The following TBCEL variants were observed in gnomAD, a reference collection of about 807,000 sequenced individuals.
TBCEL encodes the protein tubulin-specific chaperone cofactor E-like protein.
In TBCEL, 15 loss-of-function variants were observed where a neutral mutation model predicts 44.2. The observed-to-expected ratio is 0.34, with a 90% CI of 0.23 to 0.52. The LOEUF is 0.52. Ranked by LOEUF, TBCEL falls within the 20% of genes least tolerant of loss-of-function variation. The pLI is 0.95. For synonymous variants in TBCEL, 171 were observed against 185.4 expected, an observed-to-expected ratio of 0.92 and a Z score of 0.63; for missense variants, 319 against 506.3, an observed-to-expected ratio of 0.63 and a Z score of 3.55.
At chr11:121,032,955 A>G (rs1945169373) in intron 1 of TBCEL, among the ~76,000 whole-genome samples, 2 of 152,222 alleles carry the variant, frequency 1.3e-5, no homozygotes, top group South Asian at 2.1e-4. Flanking sequence ...TTTGTGAAGA[A>G]TGAGACTCAA....
chr11:121,026,971 G>T (rs1945057455), intron 1 of TBCEL, among the ~76,000 whole-genome samples: 1 of 152,022 alleles, frequency 6.6e-6, no homozygotes, highest in Admixed American at 6.6e-5. Context: ...CCTGTAGCAG[G>T]CTCTTTTCTC....
Position 121,031,065 on chromosome 11 carries a change from A to G in TBCEL, c.-125-5440A>G, listed in dbSNP as rs113003429. 1.5e-3 allele frequency among the ~76,000 whole-genome samples: 229 copies of G among 152,222 alleles called. 1 individual carries two copies. Among genetic ancestry groups the G allele is most frequent in the African/African-American group, 4.8e-3 (199 of 41,526 alleles). On this transcript the variant is annotated intron_variant, in intron 1 of 8. Coordinates refer to ENST00000683345, the MANE Select transcript of TBCEL (RefSeq NM_001363644.2). Reference sequence around the variant, plus strand: ...AATTTACCCAATTGCCTGTTCTTAGATATAAGGGCTTCTCCACACTGCATT... The same window carrying G: ...AATTTACCCAATTGCCTGTTCTTAGGTATAAGGGCTTCTCCACACTGCATT...
intron 4 of TBCEL, among the ~76,000 whole-genome samples, chr11:121,051,249 A>G (rs953326299): frequency 5.9e-5 from 9 of 151,776 alleles, no homozygotes; most frequent in South Asian, 2.1e-4. Context: ...TGATTACATC[A>G]TATATCTGCT....
intron 1 of TBCEL, among the ~76,000 whole-genome samples, chr11:121,027,085 A>G (rs1945059798): frequency 6.6e-6 from 1 of 152,216 alleles, no homozygotes; most frequent in African/African-American, 2.4e-5. Context: ...ACTGTGTGAC[A>G]TGTATGTTGG....
rs75737106 is a variant in TBCEL, at chr11:121,073,676, A to T, written c.957-13102A>T. Among the ~76,000 whole-genome samples, 584 of 152,078 alleles carry T rather than the reference A, an allele frequency of 3.8e-3. 8 individuals are homozygous for T. The highest frequency in any genetic ancestry group is 0.012 in the East Asian group (62 of 5,186). On this transcript the variant is annotated intron_variant, in intron 8 of 8. Transcript: ENST00000683345. ...TTTCTCCTCACTTGACAGGGAATGC[A>T]TCTAAAGTTTCAATATGTAGATATG...
intron 6 of TBCEL, 140 bp downstream of exon 6, chr11:121,055,448 T>A (rs1010844519): frequency 2.4e-6 from 2 of 818,874 alleles, no homozygotes; most frequent in Admixed American, 7.4e-5. Flanking sequence ...ATGCCTATGA[T>A]TGGCTAAATT....
At chr11:121,080,553 A>T (rs1419846400) in intron 8 of TBCEL, among the ~76,000 whole-genome samples, 2 of 152,210 alleles carry the variant, frequency 1.3e-5, no homozygotes, top group Non-Finnish European at 2.9e-5. Context: ...TTCTAGACAA[A>T]GTTTCATTTT....
chr11:121,037,300 C>T (rs927439974), intron 2 of TBCEL, among the ~76,000 whole-genome samples: 1 of 152,174 alleles, frequency 6.6e-6, no homozygotes, highest in Non-Finnish European at 1.5e-5. Context: ...AATTGGCTAA[C>T]TATAATTCTA....
At chr11:121,030,977 A>G (rs934048997) in intron 1 of TBCEL, among the ~76,000 whole-genome samples, 1 of 152,134 alleles carries the variant, frequency 6.6e-6, no homozygotes, top group African/African-American at 2.4e-5. Flanking sequence ...GGAAGTAGGC[A>G]TAATGAACTA....
At chr11:121,076,547 TATTA>T (rs1379546005) in intron 8 of TBCEL, among the ~76,000 whole-genome samples, 1 of 152,062 alleles carries the variant, frequency 6.6e-6, no homozygotes, top group Non-Finnish European at 1.5e-5. Flanking sequence ...TAAATTTATT[TATTA>T]ATTCTAGTAG....
At chr11:121,079,053 T>C (rs1245549035) in intron 8 of TBCEL, among the ~76,000 whole-genome samples, 1 of 152,238 alleles carries the variant, frequency 6.6e-6, no homozygotes, top group African/African-American at 2.4e-5. Flanking sequence ...AAGAAATAGT[T>C]GAAACAAATG....
intron 4 of TBCEL, among the ~76,000 whole-genome samples, chr11:121,050,495 C>A (rs567809451): frequency 2.0e-4 from 31 of 151,678 alleles, no homozygotes; most frequent in Non-Finnish European, 3.7e-4. Context: ...TTTGTCTTCA[C>A]CCTTCTAAAA....
intron 4 of TBCEL, 182 bp downstream of exon 4, chr11:121,047,849 T>C: frequency 1.5e-6 from 1 of 687,476 alleles, no homozygotes; most frequent in Non-Finnish European, 2.2e-6. Flanking sequence ...ATAATCCCAG[T>C]GCTAAGGAGG....
chr11:121,036,606 C>G lies in TBCEL; in HGVS notation c.-24C>G, dbSNP rs2134892860. On this transcript the variant is annotated 5_prime_UTR_variant, in exon 2 of 9. Transcript: ENST00000683345. ...GAAAGAAGTGTTTAGAAATATCACA[C>G]AAACAGGTACTTCAGTCTAAATAGT... 5 of 152,264 alleles carry G rather than the reference C, an allele frequency of 3.3e-5. No homozygotes were observed. In the Middle Eastern group the frequency reaches 0.017, roughly 518 times the overall value. 9.4% of individuals were successfully genotyped at this position (152,264 alleles called of 1,614,324 possible). A position where few individuals can be genotyped will look rare whatever the true frequency, so the allele number is the denominator to read the frequency against.
chr11:121,030,607 G>A (rs1460798491), intron 1 of TBCEL, among the ~76,000 whole-genome samples: 2 of 152,146 alleles, frequency 1.3e-5, no homozygotes, highest in Non-Finnish European at 2.9e-5. Flanking sequence ...ACAGGGGTAT[G>A]AGAAGAAGAG....
At chr11:121,037,529 G>T (rs532705224) in intron 2 of TBCEL, among the ~76,000 whole-genome samples, 1 of 152,300 alleles carries the variant, frequency 6.6e-6, no homozygotes, top group Admixed American at 6.5e-5. Flanking sequence ...GTTTATATGG[G>T]AGAGATAGCT....
intron 1 of TBCEL, among the ~76,000 whole-genome samples, chr11:121,032,990 A>C (rs895530673): frequency 2.6e-5 from 4 of 152,212 alleles, no homozygotes; most frequent in Admixed American, 6.5e-5. Context: ...GGAGAGAGGT[A>C]GTTTTTTAGG....
At chr11:121,050,791 A>G (rs1402276608) in intron 4 of TBCEL, among the ~76,000 whole-genome samples, 1 of 151,694 alleles carries the variant, frequency 6.6e-6, no homozygotes, top group East Asian at 1.9e-4. Flanking sequence ...AGCCAAAGTA[A>G]AGGGTCCCCT....
Position 121,053,741 on chromosome 11 carries a change from A to G in TBCEL, c.455+9A>G. On this transcript the variant is annotated intron_variant, in intron 5 of 8. Coordinates refer to ENST00000683345, the MANE Select transcript of TBCEL (RefSeq NM_001363644.2). ...CTACAGGAGTTACCAGAGTAAGCCCAGAGAGCATGAGGGCGAGGGAGTTAT... is the reference window on the plus strand; with the variant it reads ...CTACAGGAGTTACCAGAGTAAGCCCGGAGAGCATGAGGGCGAGGGAGTTAT... 1 of 1,611,184 alleles carries G rather than the reference A, an allele frequency of 6.2e-7. No individual in the cohort carries two copies. The highest frequency in any genetic ancestry group is 1.3e-5 in the African/African-American group (1 of 74,856).
Sources: allele counts gnomAD v4.1 joint callset (sites outside exome capture counted in the v4.1 genomes callset), GRCh38; gene constraint gnomAD v4.1.1; transcripts MANE v1.5; gene names NCBI Gene and HGNC (gene_info 2026-07-23, HGNC 2026-07-21).